Variants in CNTN5 observed in about 807,000 individuals in gnomAD.
CNTN5 encodes contactin 5, also known as contactin-5.
A neutral mutation model predicts 129.1 loss-of-function variants in CNTN5; 77 were observed. The ratio of observed to expected loss-of-function variants is 0.60; its 90% CI spans 0.50 to 0.72. The LOEUF is 0.72. Ranked by LOEUF, CNTN5 falls within the 30% of genes least tolerant of loss-of-function variation. CNTN5 has a pLI of 0.00. For missense variants in CNTN5, 1,478 were observed against 1,328.8 expected, an observed-to-expected ratio of 1.11 and a Z score of -1.75; for synonymous variants, 509 against 465.6, an observed-to-expected ratio of 1.09 and a Z score of -1.20.
intron 2 of CNTN5, among the ~76,000 whole-genome samples, chr11:99,359,357 T>C (rs1938935624): frequency 6.6e-6 from 1 of 151,726 alleles, no homozygotes; most frequent in South Asian, 2.1e-4. Context: ...GAGGGCAGAG[T>C]CCTCATGACC....
At chr11:99,909,457 C>T (rs1949596464) in intron 6 of CNTN5, among the ~76,000 whole-genome samples, 1 of 152,130 alleles carries the variant, frequency 6.6e-6, no homozygotes, top group Admixed American at 6.6e-5. Context: ...CATCCCATTA[C>T]TGGGTATATA....
Position 100,005,187 on chromosome 11 carries a change from A to G in CNTN5, c.980+3051A>G, listed in dbSNP as rs1252758218. Among the ~76,000 whole-genome samples the G allele has an allele frequency of 7.2e-5, 11 of 152,188 alleles. 1 individual carries two copies. Among genetic ancestry groups the G allele is most frequent in the African/African-American group, 1.7e-4 (7 of 41,450 alleles). ...AATAGGAATGAATGAACTTAAAAAT[A>G]TTCCATCTACTTAATCCAATCAACT... On this transcript the variant is annotated intron_variant, in intron 9 of 24. Transcript: ENST00000524871.
intron 18 of CNTN5, among the ~76,000 whole-genome samples, chr11:100,294,002 C>G (rs1379507799): frequency 6.6e-6 from 1 of 151,582 alleles, no homozygotes; most frequent in Non-Finnish European, 1.5e-5. Flanking sequence ...CTCTTGACTT[C>G]TACCTTTGCT....
intron 3 of CNTN5, among the ~76,000 whole-genome samples, chr11:99,647,462 C>G (rs1335956820): frequency 6.6e-6 from 1 of 151,902 alleles, no homozygotes; most frequent in Non-Finnish European, 1.5e-5. Context: ...ATTTTGAAAT[C>G]TAGTAGTCTC....
chr11:100,137,655 G>A (rs1162209032), intron 13 of CNTN5, among the ~76,000 whole-genome samples: 2 of 152,070 alleles, frequency 1.3e-5, no homozygotes. Context: ...CTGGAATCTA[G>A]TCACTTATTG....
intron 3 of CNTN5, among the ~76,000 whole-genome samples, chr11:99,623,981 A>G (rs1356717807): frequency 2.6e-5 from 4 of 152,138 alleles, no homozygotes; most frequent in African/African-American, 9.6e-5. Context: ...TTCTGTCTTC[A>G]GTTGTTAACT....
At chr11:99,540,950 A>G (rs1948084040) in intron 2 of CNTN5, among the ~76,000 whole-genome samples, 1 of 152,096 alleles carries the variant, frequency 6.6e-6, no homozygotes, top group East Asian at 2.0e-4. Context: ...AATGACTGCC[A>G]GTAATACTAC....
At chr11:99,789,481 A>G (rs989280850) in intron 3 of CNTN5, among the ~76,000 whole-genome samples, 1 of 152,030 alleles carries the variant, frequency 6.6e-6, no homozygotes, top group African/African-American at 2.4e-5. Context: ...ACTGCAATAA[A>G]CTATCATGGA....
chr11:99,812,853 C>A (rs1043714823), intron 3 of CNTN5, among the ~76,000 whole-genome samples: 1 of 152,100 alleles, frequency 6.6e-6, no homozygotes, highest in Non-Finnish European at 1.5e-5. Context: ...TGTAAGAATA[C>A]AAGATGTTGG....
chr11:99,329,600 G>A (rs1161150030), intron 2 of CNTN5, among the ~76,000 whole-genome samples: 1 of 152,082 alleles, frequency 6.6e-6, no homozygotes, highest in African/African-American at 2.4e-5. Flanking sequence ...TCTGCGCTAA[G>A]CTTAGTATAC....
intron 3 of CNTN5, among the ~76,000 whole-genome samples, chr11:99,599,271 TG>T (rs1950240545): frequency 6.6e-6 from 1 of 152,068 alleles, no homozygotes; most frequent in Admixed American, 6.6e-5. Flanking sequence ...CCTTTTAAGT[TG>T]TTTTTTTGAA....
At chr11:99,547,124 C>T (rs112770848) in intron 2 of CNTN5, among the ~76,000 whole-genome samples, 2,167 of 151,914 alleles carry the variant, frequency 0.014, 23 homozygotes, top group South Asian at 0.062. Context: ...CTGCCTCAGC[C>T]TCCCAAGTAG....
At chr11:99,965,591 G>C (rs773618532) in intron 8 of CNTN5, among the ~76,000 whole-genome samples, 2 of 152,100 alleles carry the variant, frequency 1.3e-5, no homozygotes, top group Non-Finnish European at 1.5e-5. Flanking sequence ...TATGTGGTCA[G>C]TTTTGGAACA....
At chr11:99,655,756 T>G (rs1374603273) in intron 3 of CNTN5, among the ~76,000 whole-genome samples, 1 of 152,046 alleles carries the variant, frequency 6.6e-6, no homozygotes, top group Admixed American at 6.6e-5. Flanking sequence ...TAGATGTATA[T>G]ACGCACACAC....
intron 3 of CNTN5, among the ~76,000 whole-genome samples, chr11:99,806,081 C>G (rs539319194): frequency 2.0e-5 from 3 of 152,292 alleles, no homozygotes; most frequent in Admixed American, 6.5e-5. Context: ...CCTTGAACGT[C>G]TCTTCTCAGA....
At chr11:99,821,749 T>C (rs941024739) in intron 4 of CNTN5, among the ~76,000 whole-genome samples, 1 of 152,032 alleles carries the variant, frequency 6.6e-6, no homozygotes, top group African/African-American at 2.4e-5. Context: ...CCTTCAAAGA[T>C]TGAGGTAGGG....
intron 2 of CNTN5, among the ~76,000 whole-genome samples, chr11:99,448,192 T>C (rs188615723): frequency 6.6e-6 from 1 of 152,236 alleles, no homozygotes; most frequent in East Asian, 1.9e-4. Context: ...AAGTCATCCA[T>C]TGTTGGAAAA....
At chr11:99,450,887 A>C (rs1944278352) in intron 2 of CNTN5, among the ~76,000 whole-genome samples, 1 of 151,734 alleles carries the variant, frequency 6.6e-6, no homozygotes, top group African/African-American at 2.4e-5. Flanking sequence ...CAAATACAGA[A>C]TCTGGGAATA....
At chr11:100,269,005 T>C (rs1166551040) in intron 17 of CNTN5, among the ~76,000 whole-genome samples, 3 of 151,996 alleles carry the variant, frequency 2.0e-5, no homozygotes, top group African/African-American at 7.2e-5. Context: ...ATAGAGAGTA[T>C]CTAAAACCAT....
Sources: gnomAD v4.1 joint callset for allele counts (sites outside exome capture counted in the v4.1 genomes callset) on GRCh38, gnomAD v4.1.1 for gene constraint, MANE v1.5 for transcripts, NCBI Gene and HGNC (gene_info 2026-07-23, HGNC 2026-07-21) for gene names.